Variants in PTPRT observed in about 807,000 individuals in gnomAD.
PTPRT encodes receptor-type tyrosine-protein phosphatase T.
Under a neutral mutation model 176.8 loss-of-function variants are expected in PTPRT, and 56 were observed. That is an observed-to-expected ratio of 0.32 (90% CI 0.26 to 0.40). The LOEUF is 0.40. PTPRT is among the 10% of genes least tolerant of loss of function. The probability of loss-of-function intolerance (pLI) is 1.00; values close to 1 mark genes in which losing one functional copy is unlikely to be tolerated. For missense variants in PTPRT, 1,540 were observed against 1,908.2 expected (o/e 0.81, Z 3.60); for synonymous variants, 783 against 739.0 (o/e 1.06, Z -0.96).
intron 1 of PTPRT, among the ~76,000 whole-genome samples, chr20:43,062,548 CCTTA>C (rs1243366949): frequency 9.9e-5 from 15 of 152,206 alleles, no homozygotes; most frequent in African/African-American, 3.6e-4. Flanking sequence ...GCTAAATGTT[CCTTA>C]CTATTAGCTC....
At chr20:42,834,536 G>C (rs533542398) in intron 2 of PTPRT, among the ~76,000 whole-genome samples, 1 of 152,024 alleles carries the variant, frequency 6.6e-6, no homozygotes, top group Non-Finnish European at 1.5e-5. Context: ...ATAAAAACTT[G>C]CATTGAGACA....
chr20:42,466,866 C>T (rs969314108), intron 8 of PTPRT, among the ~76,000 whole-genome samples: 1 of 152,046 alleles, frequency 6.6e-6, no homozygotes, highest in Non-Finnish European at 1.5e-5. Context: ...GGGGCAGGGA[C>T]ATTAAAAGAA....
intron 1 of PTPRT, among the ~76,000 whole-genome samples, chr20:43,176,700 CCT>C (rs1346207010): frequency 2.0e-5 from 3 of 152,134 alleles, no homozygotes; most frequent in South Asian, 2.1e-4. Flanking sequence ...TTAAATTACC[CCT>C]GTTTTCTTTC....
chr20:42,261,562 A>G (rs2056749462), intron 13 of PTPRT, among the ~76,000 whole-genome samples: 1 of 152,066 alleles, frequency 6.6e-6, no homozygotes, highest in Non-Finnish European at 1.5e-5. Context: ...ATTTCACTAA[A>G]TGAAATGCAA....
chr20:42,342,587 C>T (rs149726569), intron 11 of PTPRT, among the ~76,000 whole-genome samples: 1 of 152,326 alleles, frequency 6.6e-6, no homozygotes, highest in Non-Finnish European at 1.5e-5. Context: ...GTGGACAAGG[C>T]CTCACAAACT....
At chr20:42,190,079 C>T (rs2223422) in intron 16 of PTPRT, among the ~76,000 whole-genome samples, 7,768 of 152,156 alleles carry the variant, frequency 0.051, 277 homozygotes, top group East Asian at 0.1. Context: ...GCAAAATATT[C>T]AATAATTCCT....
At chr20:43,093,334 C>A (rs146219916) in intron 1 of PTPRT, among the ~76,000 whole-genome samples, 52 of 152,318 alleles carry the variant, frequency 3.4e-4, no homozygotes, top group African/African-American at 1.2e-3. Flanking sequence ...TTACAATGTG[C>A]ATATATTCAA....
rs536851174 is a variant in PTPRT at position 42,075,639 on chromosome 20, T to G, written c.*5240A>C. On this transcript the variant is annotated 3_prime_UTR_variant, in exon 31 of 31. Coordinates refer to ENST00000373187, the MANE Select transcript of PTPRT (RefSeq NM_007050.6). Reference sequence around the variant, plus strand: ...GGTTGGGCAGTCACTCCTGCAGAGGTAACAGGATAAGGGCCTGGCTGCTAC... The same window carrying G: ...GGTTGGGCAGTCACTCCTGCAGAGGGAACAGGATAAGGGCCTGGCTGCTAC... 3 of 210,838 alleles carry G rather than the reference T, an allele frequency of 1.4e-5. No homozygotes were observed. Among genetic ancestry groups the G allele is most frequent in the African/African-American group, 6.8e-5 (3 of 44,182 alleles). 13.1% of individuals were successfully genotyped at this position (210,838 alleles called of 1,614,324 possible).
At chr20:42,198,813 CAG>C (rs1036890717) in intron 16 of PTPRT, among the ~76,000 whole-genome samples, 29 of 152,266 alleles carry the variant, frequency 1.9e-4, no homozygotes, top group African/African-American at 6.7e-4. Flanking sequence ...CCTAACCACT[CAG>C]AGTGGAGACA....
intron 1 of PTPRT, among the ~76,000 whole-genome samples, chr20:42,950,061 A>G (rs1981141464): frequency 6.6e-6 from 1 of 152,202 alleles, no homozygotes; most frequent in Non-Finnish European, 1.5e-5. Flanking sequence ...GTGGCAGCAA[A>G]GCGGTACTGC....
At chr20:42,685,938 TGCCCAGGTAGCAGGA>T (rs2075683522) in intron 6 of PTPRT, 1 of 152,156 alleles carries the variant, frequency 6.6e-6, no homozygotes, top group Non-Finnish European at 1.5e-5. Context: ...CCCTCCTATC[TGCCCAGGTAGCAGGA>T]GTCAAGAACC....
At position 42,749,790 on chromosome 20, in the gene PTPRT, T is replaced by G. The variant is rs77880240; in HGVS notation, c.859+6672A>C. Among the ~76,000 whole-genome samples the G allele has an allele frequency of 1.6e-4, 25 of 152,332 alleles. No individual in the cohort carries two copies. The East Asian group carries it at 4.8e-3, about 29-fold the overall frequency. On this transcript the variant is annotated intron_variant, in intron 6 of 30. Coordinates refer to ENST00000373187, the MANE Select transcript of PTPRT (RefSeq NM_007050.6). The stretch of plus-strand genomic sequence containing the variant: ...TTTATTAAGCAAATGAATACAGGAA[T>G]GAGTCAGCTACTCCAGGCATTCCAT...
chr20:42,722,168 C>CT (rs1371431638), intron 6 of PTPRT, among the ~76,000 whole-genome samples: 1 of 152,112 alleles, frequency 6.6e-6, no homozygotes, highest in Non-Finnish European at 1.5e-5. Flanking sequence ...TATGAGTCAC[C>CT]TGATGAACTT....
intron 1 of PTPRT, among the ~76,000 whole-genome samples, chr20:43,095,121 G>T (rs998826153): frequency 2.0e-5 from 3 of 152,096 alleles, no homozygotes; most frequent in Non-Finnish European, 4.4e-5. Context: ...CTTGGAGAGA[G>T]CTTTTATGCC....
At chr20:42,375,964 C>A (rs773898275) in intron 9 of PTPRT, among the ~76,000 whole-genome samples, 1 of 152,196 alleles carries the variant, frequency 6.6e-6, no homozygotes, top group African/African-American at 2.4e-5. Flanking sequence ...CCACCATAAC[C>A]AATAAAGCAG....
intron 9 of PTPRT, among the ~76,000 whole-genome samples, chr20:42,430,067 G>A (rs527331125): frequency 6.6e-6 from 1 of 152,350 alleles, no homozygotes; most frequent in South Asian, 2.1e-4. Flanking sequence ...TACAGTGTCT[G>A]TATAATCTGT....
At chr20:43,009,377 T>C (rs927081552) in intron 1 of PTPRT, among the ~76,000 whole-genome samples, 21 of 152,256 alleles carry the variant, frequency 1.4e-4, no homozygotes, top group Admixed American at 3.9e-4. Flanking sequence ...ACCTACAGGC[T>C]ACTGGGGTAA....
At chr20:42,232,695 C>T (rs2056159360) in intron 15 of PTPRT, among the ~76,000 whole-genome samples, 1 of 151,836 alleles carries the variant, frequency 6.6e-6, no homozygotes, top group African/African-American at 2.4e-5. Flanking sequence ...TTCCATAGCC[C>T]CCAACTCCAG....
chr20:42,660,615 C>T (rs1032690895), intron 7 of PTPRT, among the ~76,000 whole-genome samples: 1 of 152,118 alleles, frequency 6.6e-6, no homozygotes, highest in African/African-American at 2.4e-5. Flanking sequence ...TCCAACTTTT[C>T]TCCAGTGCAC....
Sources: allele counts gnomAD v4.1 joint callset (sites outside exome capture counted in the v4.1 genomes callset), GRCh38; gene constraint gnomAD v4.1.1; transcripts MANE v1.5; gene names NCBI Gene and HGNC (gene_info 2026-07-23, HGNC 2026-07-21).